Variants in SAP130 observed in about 807,000 individuals in gnomAD.
SAP130 encodes the protein Sin3A associated protein 130.
SAP130 carries 16 observed loss-of-function variants against 103.2 expected under a neutral mutation model. The observed-to-expected ratio is 0.16, with a 90% CI of 0.10 to 0.24. SAP130 has a LOEUF of 0.24. SAP130 is among the 10% of genes least tolerant of loss of function. SAP130 has a pLI of 1.00. For missense variants in SAP130, 990 were observed against 1,359.7 expected, an observed-to-expected ratio of 0.73 and a Z score of 4.28; for synonymous variants, 477 against 497.0, an observed-to-expected ratio of 0.96 and a Z score of 0.53.
In SAP130 at chr2:127,955,481, A is replaced by G. The variant is rs1347707993; in HGVS notation, c.2064-137T>C. 1 of 534,798 alleles carries G rather than the reference A, an allele frequency of 1.9e-6. No individual in the cohort carries two copies. Among genetic ancestry groups the G allele is most frequent in the Non-Finnish European group, 3.1e-6 (1 of 327,250 alleles). 33.1% of individuals were successfully genotyped at this position (534,798 alleles called of 1,614,324 possible). A position where few individuals can be genotyped will look rare whatever the true frequency, so the allele number is the denominator to read the frequency against. ...ATTTATACTCTATTTCCTTTTTTTAAATTTTTAATTTTAAAAAAATTTTGA... is the reference window on the plus strand; with the variant it reads ...ATTTATACTCTATTTCCTTTTTTTAGATTTTTAATTTTAAAAAAATTTTGA... On this transcript the variant is annotated intron_variant, in intron 15 of 20. Transcript: ENST00000643581. This position sits in a 1 kb window ranked among gnomAD's most constrained non-coding sequence, Gnocchi z 4.9.
At chr2:127,964,679 A>C (rs1406432056) in intron 15 of SAP130, among the ~76,000 whole-genome samples, 1 of 152,004 alleles carries the variant, frequency 6.6e-6, no homozygotes, top group Non-Finnish European at 1.5e-5. Context: ...ATAAATATAA[A>C]AACAGAAACT....
At chr2:128,006,640 T>G (rs1683992604) in intron 7 of SAP130, among the ~76,000 whole-genome samples, 1 of 152,086 alleles carries the variant, frequency 6.6e-6, no homozygotes, top group Admixed American at 6.6e-5. Context: ...CCAGGCATGG[T>G]GCATGGTGGC....
At chr2:127,994,927 C>T (rs1683067373) in intron 11 of SAP130, among the ~76,000 whole-genome samples, 1 of 152,190 alleles carries the variant, frequency 6.6e-6, no homozygotes, top group Admixed American at 6.5e-5. Flanking sequence ...TTAGAGCTAA[C>T]AGGAGTATTC....
intron 12 of SAP130, among the ~76,000 whole-genome samples, chr2:127,990,157 A>G (rs6707356): frequency 0.82 from 125,376 of 152,034 alleles, 52,265 homozygotes; most frequent in Middle Eastern, 0.88. Flanking sequence ...CCAGGAAACC[A>G]TGCTAAATAA....
Position 127,996,563 on chromosome 2 carries a change from G to C in SAP130, c.1214-72C>G. The C allele has an allele frequency of 7.5e-7, 1 of 1,329,794 alleles. No homozygotes were observed. The allele number at this position is 1,329,794 out of a possible 1,614,324, so 82.4% of individuals were successfully genotyped here. ...TGGCATGCCAAAACATTCTTGGCTA[G>C]CAGCAATCTTAGGAAAGCAAACAAT... On this transcript the variant is annotated intron_variant, in intron 10 of 20. Transcript: ENST00000643581. This position sits in a 1 kb window ranked among gnomAD's most constrained non-coding sequence, Gnocchi z 4.3.
intron 2 of SAP130, among the ~76,000 whole-genome samples, chr2:128,023,637 G>C (rs1047679602): frequency 1.3e-5 from 2 of 152,008 alleles, no homozygotes; most frequent in African/African-American, 2.4e-5. Context: ...AAAATTAGCC[G>C]GGCACGGTGG....
intron 18 of SAP130, among the ~76,000 whole-genome samples, chr2:127,949,450 C>T (rs1228929335): frequency 6.6e-6 from 1 of 152,166 alleles, no homozygotes; most frequent in Non-Finnish European, 1.5e-5. Context: ...AACAAAAGAT[C>T]TTTTGGCAGA....
intron 15 of SAP130, among the ~76,000 whole-genome samples, chr2:127,956,137 T>C (rs1679823551): frequency 6.6e-6 from 1 of 152,072 alleles, no homozygotes; most frequent in Non-Finnish European, 1.5e-5. Flanking sequence ...CCTGTATAAA[T>C]GGAATTTCCA....
intron 17 of SAP130, 59 bp downstream of exon 17, chr2:127,950,101 G>A (rs1300330616): frequency 6.8e-6 from 11 of 1,610,376 alleles, no homozygotes; most frequent in Non-Finnish European, 8.5e-6. Context: ...ACGAGCCTCT[G>A]GGTTGGACTC....
At chr2:127,968,414 G>GGT (rs1468523763) in intron 15 of SAP130, among the ~76,000 whole-genome samples, 3 of 133,970 alleles carry the variant, frequency 2.2e-5, no homozygotes, top group African/African-American at 8.7e-5. Context: ...CCCGGAGTTG[G>GGT]TTTTTTTTTT....
At chr2:127,991,403 C>T (rs534949668) in intron 12 of SAP130, among the ~76,000 whole-genome samples, 1 of 152,142 alleles carries the variant, frequency 6.6e-6, no homozygotes, top group East Asian at 1.9e-4. Flanking sequence ...GTGGTGCAAA[C>T]AACATGGCTC....
intron 16 of SAP130, among the ~76,000 whole-genome samples, chr2:127,951,908 T>C (rs1224907391): frequency 7.9e-5 from 12 of 152,186 alleles, no homozygotes; most frequent in Admixed American, 7.9e-4. Context: ...CTGAAAAAGA[T>C]AGATGCAATC....
At position 127,989,688 on chromosome 2, in the gene SAP130, G is replaced by A; in HGVS notation, c.1656C>T (p.Thr552=). 6.2e-7 allele frequency: 1 copy of A among 1,614,144 alleles called. No individual in the cohort carries two copies. The highest frequency in any genetic ancestry group is 1.1e-5 in the South Asian group (1 of 91,078). Reference sequence around the variant, plus strand: ...CAAGTGGTGCAGGCTGTATCCCTGGGGTCCCAATGGGGGCCGGCTGGATAC... The same window carrying A: ...CAAGTGGTGCAGGCTGTATCCCTGGAGTCCCAATGGGGGCCGGCTGGATAC... ...TQGIQPAPIG[T]PGIQPAPLGT... Residue 552 remains threonine (T), a synonymous_variant, in exon 13 of 21, where the codon ACC becomes ACT. Coordinates refer to ENST00000643581, the MANE Select transcript of SAP130 (RefSeq NM_001330301.2). The surrounding 1 kb of genome is among the most constrained non-coding windows in gnomAD (Gnocchi z 4.6).
chr2:128,017,944 A>AC, intron 2 of SAP130, 29 bp from the exon 3 acceptor site: 2 of 1,546,896 alleles, frequency 1.3e-6, no homozygotes, highest in African/African-American at 2.7e-5. Context: ...GTGAGACAGT[A>AC]TGTCACAGTC....
chr2:127,999,241 C>T (rs1007310545), intron 10 of SAP130, among the ~76,000 whole-genome samples: 3 of 152,076 alleles, frequency 2.0e-5, no homozygotes, highest in Non-Finnish European at 4.4e-5. Flanking sequence ...AAATGGGCTT[C>T]AAAGTTTGCT....
chr2:127,964,587 T>C (rs1680507483), intron 15 of SAP130, among the ~76,000 whole-genome samples: 1 of 151,312 alleles, frequency 6.6e-6, no homozygotes, highest in African/African-American at 2.4e-5. Flanking sequence ...AAGCATTATT[T>C]AGAAGAAAGT....
chr2:128,019,133 G>A (rs769956146), intron 2 of SAP130, among the ~76,000 whole-genome samples: 1 of 151,876 alleles, frequency 6.6e-6, no homozygotes, highest in African/African-American at 2.4e-5. Context: ...TTTTAAGTAC[G>A]GTTCCTAACT....
intron 15 of SAP130, among the ~76,000 whole-genome samples, chr2:127,959,525 T>A (rs530660336): frequency 4.3e-4 from 66 of 152,348 alleles, no homozygotes; most frequent in Admixed American, 2.5e-3. Context: ...TGGCCTTCAC[T>A]GATCACCTGG....
chr2:127,996,715 T>C lies in SAP130; in HGVS notation c.1214-224A>G, dbSNP rs1282437237. 2.0e-5 allele frequency among the ~76,000 whole-genome samples: 3 copies of C among 152,186 alleles called. No individual in the cohort carries two copies. Among genetic ancestry groups the C allele is most frequent in the African/African-American group, 4.8e-5 (2 of 41,438 alleles). On this transcript the variant is annotated intron_variant, in intron 10 of 20. Transcript: ENST00000643581. The surrounding 1 kb of genome is among the most constrained non-coding windows in gnomAD (Gnocchi z 4.3). Reference sequence around the variant, plus strand: ...TTATTAAAGCAGGGTTCAACATTAATACTGAAACAAAGATAGAAGTGACCA... The same window carrying C: ...TTATTAAAGCAGGGTTCAACATTAACACTGAAACAAAGATAGAAGTGACCA...
Sources: allele counts gnomAD v4.1 joint callset (sites outside exome capture counted in the v4.1 genomes callset), GRCh38; gene constraint gnomAD v4.1.1; non-coding constraint Gnocchi (gnomAD v3.1); transcripts MANE v1.5; gene names NCBI Gene and HGNC (gene_info 2026-07-23, HGNC 2026-07-21).